Variants in PPP1R1C observed in about 807,000 individuals in gnomAD.
PPP1R1C encodes the protein protein phosphatase 1 regulatory inhibitor subunit 1C.
PPP1R1C carries 15 observed loss-of-function variants against 17.4 expected under a neutral mutation model. The ratio of observed to expected loss-of-function variants is 0.86; its 90% CI spans 0.58 to 1.33. The LOEUF (loss-of-function observed/expected upper bound fraction) is 1.33. PPP1R1C is among the 40% of genes most tolerant of loss of function. The probability of loss-of-function intolerance (pLI) is 0.00; values close to 1 mark genes in which losing one functional copy is unlikely to be tolerated. For synonymous variants in PPP1R1C, 35 were observed against 43.1 expected (o/e 0.81, Z 0.73); for missense variants, 143 against 130.0 (o/e 1.10, Z -0.48).
chr2:182,089,551 A>G (rs1688723532), intron 4 of PPP1R1C, among the ~76,000 whole-genome samples: 1 of 152,112 alleles, frequency 6.6e-6, no homozygotes, highest in South Asian at 2.1e-4. Context: ...TTGTTTATGG[A>G]TTGTGTATTT....
chr2:182,023,509 C>T (rs1486075876), intron 2 of PPP1R1C, among the ~76,000 whole-genome samples: 3 of 152,140 alleles, frequency 2.0e-5, no homozygotes, highest in Non-Finnish European at 4.4e-5. Context: ...AAGAAAACAA[C>T]AAAAACAAAT....
intron 4 of PPP1R1C, among the ~76,000 whole-genome samples, chr2:182,101,145 T>A (rs1237299812): frequency 6.6e-6 from 1 of 152,228 alleles, no homozygotes; most frequent in Non-Finnish European, 1.5e-5. Flanking sequence ...TAGAAAATTA[T>A]ACCCTTTATT....
chr2:182,111,144 C>G (rs1689405526), intron 4 of PPP1R1C, among the ~76,000 whole-genome samples: 1 of 152,106 alleles, frequency 6.6e-6, no homozygotes, highest in Non-Finnish European at 1.5e-5. Context: ...GTAATAGTAC[C>G]TTCTTCCCTA....
At chr2:182,080,313 G>A (rs1688436790) in intron 4 of PPP1R1C, among the ~76,000 whole-genome samples, 1 of 152,096 alleles carries the variant, frequency 6.6e-6, no homozygotes, top group African/African-American at 2.4e-5. Context: ...CGAAAACCAG[G>A]GGATCCTCCA....
At chr2:182,082,272 T>C (rs1441816876) in intron 4 of PPP1R1C, among the ~76,000 whole-genome samples, 1 of 152,206 alleles carries the variant, frequency 6.6e-6, no homozygotes, top group Non-Finnish European at 1.5e-5. Flanking sequence ...TTTAAAGTGA[T>C]AGAACTTAGG....
intron 4 of PPP1R1C, among the ~76,000 whole-genome samples, chr2:182,091,802 C>T (rs1051326971): frequency 6.6e-6 from 1 of 152,144 alleles, no homozygotes; most frequent in Non-Finnish European, 1.5e-5. Flanking sequence ...TATTCTTTCT[C>T]TCACTTACCT....
intron 2 of PPP1R1C, among the ~76,000 whole-genome samples, chr2:182,042,419 G>A (rs1478797114): frequency 2.0e-5 from 3 of 152,160 alleles, no homozygotes; most frequent in East Asian, 3.8e-4. Context: ...TCATTATCAA[G>A]GTCATTGCTG....
chr2:182,090,353 G>A (rs930161164), intron 4 of PPP1R1C, among the ~76,000 whole-genome samples: 1 of 151,726 alleles, frequency 6.6e-6, no homozygotes, highest in African/African-American at 2.4e-5. Flanking sequence ...AAAACTGAGA[G>A]AGAGACAGAA....
At position 182,103,561 on chromosome 2, in the gene PPP1R1C, C is replaced by T. The variant is rs1689160986; in HGVS notation, c.242-13646C>T. On this transcript the variant is annotated intron_variant, in intron 4 of 4. Transcript: ENST00000682840. ...AAGAAGAAAGTAGGTCAGCGAGCCC[C>T]CTGGCGAACAACAAATTGCTATTAT... 3.9e-5 allele frequency: 6 copies of T among 152,268 alleles called. No individual in the cohort carries two copies. The South Asian group carries it at 1.2e-3, about 32-fold the overall frequency. The allele number at this position is 152,268 out of a possible 1,614,324, so 9.4% of individuals were successfully genotyped here.
chr2:182,114,285 T>C (rs1182516538), intron 4 of PPP1R1C, among the ~76,000 whole-genome samples: 1 of 152,220 alleles, frequency 6.6e-6, no homozygotes, highest in Admixed American at 6.5e-5. Context: ...ATTTCCCTGA[T>C]GCTTATTAGC....
intron 4 of PPP1R1C, among the ~76,000 whole-genome samples, chr2:182,067,043 TA>T (rs1240198773): frequency 1.3e-5 from 2 of 151,998 alleles, no homozygotes; most frequent in Admixed American, 6.6e-5. Flanking sequence ...AAGTAAGTGC[TA>T]TTGATTTAAA....
At chr2:181,968,109 C>T (rs1684938262) in intron 1 of PPP1R1C, among the ~76,000 whole-genome samples, 1 of 152,168 alleles carries the variant, frequency 6.6e-6, no homozygotes, top group African/African-American at 2.4e-5. Flanking sequence ...TGTTTTGTGG[C>T]CTAACATGTT....
rs186990146 is a variant in PPP1R1C, at chr2:182,089,064, T to C, written c.241+25273T>C. ...AGACAGCCAGGTCAAACTGGCCCTG[T>C]GCAGGACCACCATTTATTTCTTGGT... On this transcript the variant is annotated intron_variant, in intron 4 of 4. Coordinates refer to ENST00000682840, the MANE Select transcript of PPP1R1C (RefSeq NM_001080545.3). 5.9e-5 allele frequency among the ~76,000 whole-genome samples: 9 copies of C among 152,306 alleles called. No individual in the cohort carries two copies. The East Asian group carries it at 1.7e-3, about 29-fold the overall frequency.
intron 2 of PPP1R1C, among the ~76,000 whole-genome samples, chr2:182,019,275 T>C (rs1686345942): frequency 6.6e-6 from 1 of 152,220 alleles, no homozygotes; most frequent in Admixed American, 6.5e-5. Context: ...ATGGTAGCCA[T>C]TACCTGCTAA....
At chr2:182,031,187 C>T (rs1318384727) in intron 2 of PPP1R1C, among the ~76,000 whole-genome samples, 1 of 152,228 alleles carries the variant, frequency 6.6e-6, no homozygotes, top group East Asian at 1.9e-4. Context: ...ATAGCTCACG[C>T]TGGGAGCTGT....
intron 2 of PPP1R1C, among the ~76,000 whole-genome samples, chr2:182,014,487 A>G (rs1686194354): frequency 6.6e-6 from 1 of 151,822 alleles, no homozygotes. Flanking sequence ...GCACTGGTTC[A>G]GACCCAAGCC....
intron 2 of PPP1R1C, among the ~76,000 whole-genome samples, chr2:182,034,534 C>T (rs1246898600): frequency 6.6e-6 from 1 of 152,108 alleles, no homozygotes; most frequent in Non-Finnish European, 1.5e-5. Flanking sequence ...CATGACATGA[C>T]ACATTGATGT....
At chr2:181,982,728 G>A (rs947510960), upstream of PPP1R1C, among the ~76,000 whole-genome samples, 4 of 152,110 alleles carry the variant, frequency 2.6e-5, no homozygotes, top group Non-Finnish European at 4.4e-5. Flanking sequence ...TGGTGGTAAG[G>A]TGAACTGCGG....
intron 2 of PPP1R1C, among the ~76,000 whole-genome samples, chr2:182,048,225 T>G (rs16822401): frequency 0.16 from 23,939 of 152,158 alleles, 2,395 homozygotes; most frequent in South Asian, 0.28. Flanking sequence ...TCTGGTGGTT[T>G]CAGTTTGGGC....
Sources: allele counts gnomAD v4.1 joint callset (sites outside exome capture counted in the v4.1 genomes callset), GRCh38; gene constraint gnomAD v4.1.1; transcripts MANE v1.5; gene names NCBI Gene and HGNC (gene_info 2026-07-23, HGNC 2026-07-21).